Variants in LCORL observed in about 807,000 individuals in gnomAD.
LCORL encodes ligand dependent nuclear receptor corepressor like.
LCORL carries 41 observed loss-of-function variants against 141.8 expected under a neutral mutation model. The observed-to-expected ratio is 0.29, with a 90% CI of 0.23 to 0.38. The LOEUF (loss-of-function observed/expected upper bound fraction) is 0.38. LCORL is among the 10% of genes least tolerant of loss of function. The probability of loss-of-function intolerance (pLI) is 1.00; values close to 1 mark genes in which losing one functional copy is unlikely to be tolerated. For missense variants in LCORL, 1,759 were observed against 2,035.0 expected, an observed-to-expected ratio of 0.86 and a Z score of 2.61; for synonymous variants, 618 against 694.1, an observed-to-expected ratio of 0.89 and a Z score of 1.72.
At chr4:17,928,505 T>C (rs772750335) in intron 4 of LCORL, among the ~76,000 whole-genome samples, 18 of 152,156 alleles carry the variant, frequency 1.2e-4, no homozygotes, top group Non-Finnish European at 1.8e-4. Flanking sequence ...TCTCCATACA[T>C]GTAGAGAAAG....
intron 1 of LCORL, among the ~76,000 whole-genome samples, chr4:18,008,300 T>C (rs1723136472): frequency 6.6e-6 from 1 of 152,202 alleles, no homozygotes; most frequent in African/African-American, 2.4e-5. Context: ...GGGGAATCCT[T>C]ATCTCTGACA....
chr4:17,958,700 C>T (rs1713178201), intron 4 of LCORL, among the ~76,000 whole-genome samples: 1 of 151,926 alleles, frequency 6.6e-6, no homozygotes, highest in South Asian at 2.1e-4. Flanking sequence ...AAAGGAAGTA[C>T]TAATACTACC....
intron 1 of LCORL, among the ~76,000 whole-genome samples, chr4:18,013,154 T>C (rs1434918460): frequency 1.3e-5 from 2 of 149,298 alleles, no homozygotes; most frequent in Non-Finnish European, 3.0e-5. Flanking sequence ...CTTATTGTAA[T>C]ATTTTTCTCT....
At chr4:17,994,144 G>T (rs1299998966) in intron 1 of LCORL, among the ~76,000 whole-genome samples, 1 of 152,060 alleles carries the variant, frequency 6.6e-6, no homozygotes, top group Admixed American at 6.6e-5. Context: ...GGAAGATGGG[G>T]TCTAATTTCC....
At chr4:17,948,394 T>C (rs1378131334) in intron 4 of LCORL, among the ~76,000 whole-genome samples, 1 of 151,972 alleles carries the variant, frequency 6.6e-6, no homozygotes, top group Admixed American at 6.6e-5. Flanking sequence ...TGCTAAGTAC[T>C]AGAAAAAAAT....
chr4:17,929,627 A>T (rs2109413990), intron 4 of LCORL, among the ~76,000 whole-genome samples: 1 of 152,318 alleles, frequency 6.6e-6, no homozygotes, highest in South Asian at 2.1e-4. Context: ...AAAATGGATC[A>T]AAGATCCAAA....
intron 1 of LCORL, among the ~76,000 whole-genome samples, chr4:18,003,657 G>T (rs1391306175): frequency 6.6e-6 from 1 of 152,130 alleles, no homozygotes; most frequent in Admixed American, 6.5e-5. Flanking sequence ...ATAGGTAACT[G>T]GTAGGGAGAT....
In LCORL at chr4:17,847,136, A is replaced by G. The variant is rs142333137; in HGVS notation, c.5603-1235T>C. On this transcript the variant is annotated intron_variant, in intron 7 of 7. Coordinates refer to ENST00000635767, the Ensembl canonical transcript of LCORL. ...TACGCCATCCCTAGTTTTAAATATTACTTATAGTCCACATATTCAGATGTG... is the reference window on the plus strand; with the variant it reads ...TACGCCATCCCTAGTTTTAAATATTGCTTATAGTCCACATATTCAGATGTG... Among the ~76,000 whole-genome samples the G allele has an allele frequency of 2.5e-3, 369 of 150,396 alleles. 1 individual carries two copies. Among genetic ancestry groups the G allele is most frequent in the African/African-American group, 8.2e-3 (326 of 39,698 alleles).
At chr4:17,936,151 G>T (rs889150530) in intron 4 of LCORL, among the ~76,000 whole-genome samples, 9 of 152,062 alleles carry the variant, frequency 5.9e-5, no homozygotes, top group Admixed American at 1.3e-4. Context: ...CAAGTAGCTT[G>T]GTGTGGCAAT....
intron 5 of LCORL, among the ~76,000 whole-genome samples, chr4:17,894,266 T>C (rs530243241): frequency 1.3e-5 from 2 of 152,214 alleles, no homozygotes; most frequent in Non-Finnish European, 2.9e-5. Flanking sequence ...TTGATGACCA[T>C]CTGCACTATT....
intron 4 of LCORL, among the ~76,000 whole-genome samples, chr4:17,940,116 GTA>G (rs199994160): frequency 0.04 from 5,066 of 127,084 alleles, 123 homozygotes; most frequent in African/African-American, 0.1. Context: ...ATATGTGTGT[GTA>G]TATATATATG....
chr4:17,933,053 G>A (rs1489535318), intron 4 of LCORL, among the ~76,000 whole-genome samples: 1 of 152,040 alleles, frequency 6.6e-6, no homozygotes, highest in African/African-American at 2.4e-5. Context: ...TGATTTACCT[G>A]ATTTTTATCT....
chr4:17,982,130 G>GTGTGTGTGTC (rs2109727629), intron 1 of LCORL, among the ~76,000 whole-genome samples: 1 of 149,816 alleles, frequency 6.7e-6, no homozygotes, highest in African/African-American at 2.4e-5. Flanking sequence ...GTGTGTGTGT[G>GTGTGTGTGTC]TGTGTGTGTG....
chr4:17,882,394 A>G, intron 6 of LCORL: 1 of 984,566 alleles, frequency 1.0e-6, no homozygotes, highest in Non-Finnish European at 1.2e-6. Context: ...ATAACATTTT[A>G]CCACTACAGT....
exon 7 of LCORL, chr4:17,877,480 A>T: frequency 8.1e-7 from 1 of 1,229,660 alleles, no homozygotes; most frequent in Non-Finnish European, 1.0e-6. Flanking sequence ...AAAGAATAAG[A>T]GTTACTGGAT....
chr4:17,961,162 T>C (rs1486378740), intron 4 of LCORL, among the ~76,000 whole-genome samples: 1 of 151,918 alleles, frequency 6.6e-6, no homozygotes, highest in Non-Finnish European at 1.5e-5. Context: ...GAGAGAATAA[T>C]CCCCCAACCT....
intron 4 of LCORL, among the ~76,000 whole-genome samples, chr4:17,929,412 C>T (rs937778355): frequency 6.6e-6 from 1 of 152,108 alleles, no homozygotes; most frequent in African/African-American, 2.4e-5. Flanking sequence ...CTAGGTGTTA[C>T]TAGATAGACA....
exon 7 of LCORL, chr4:17,876,828 A>C: frequency 8.1e-7 from 1 of 1,230,728 alleles, no homozygotes; most frequent in Non-Finnish European, 1.0e-6. Flanking sequence ...AGTTGTTTTA[A>C]AGCTTTCTGA....
chr4:17,908,665 A>G (rs1255554830), intron 5 of LCORL, among the ~76,000 whole-genome samples: 2 of 152,204 alleles, frequency 1.3e-5, no homozygotes, highest in Non-Finnish European at 2.9e-5. Context: ...TGTCACAGAC[A>G]TTCCATTTCC....
Sources: allele counts gnomAD v4.1 joint callset (sites outside exome capture counted in the v4.1 genomes callset), GRCh38; gene constraint gnomAD v4.1.1; transcripts MANE v1.5; gene names NCBI Gene and HGNC (gene_info 2026-07-23, HGNC 2026-07-21).